The following CAMK1D variants were observed in gnomAD, a reference collection of about 807,000 sequenced individuals.
CAMK1D encodes the protein calcium/calmodulin dependent protein kinase ID, also known as calcium/calmodulin-dependent protein kinase type 1D.
A neutral mutation model predicts 47.7 loss-of-function variants in CAMK1D; 9 were observed. The ratio of observed to expected loss-of-function variants is 0.19; its 90% CI spans 0.11 to 0.33. The LOEUF is 0.33. Ranked by LOEUF, CAMK1D falls within the 10% of genes least tolerant of loss-of-function variation. The pLI, the probability that CAMK1D is intolerant of heterozygous loss-of-function variation, is 1.00. For missense variants in CAMK1D, 291 were observed against 488.7 expected, an observed-to-expected ratio of 0.60 and a Z score of 3.81; for synonymous variants, 184 against 184.9, an observed-to-expected ratio of 0.99 and a Z score of 0.04.
intron 1 of CAMK1D, among the ~76,000 whole-genome samples, chr10:12,360,446 G>A (rs1837624606): frequency 6.6e-6 from 1 of 152,140 alleles, no homozygotes; most frequent in South Asian, 2.1e-4. Flanking sequence ...GTGACCAGCA[G>A]GCCAGCGTCC....
intron 4 of CAMK1D, among the ~76,000 whole-genome samples, chr10:12,761,791 CAGGAGAATCGTTTG>C (rs1465141783): frequency 6.6e-6 from 1 of 152,200 alleles, no homozygotes; most frequent in Non-Finnish European, 1.5e-5. Context: ...GAAGCCGAGG[CAGGAGAATCGTTTG>C]AACCCAGGAG....
chr10:12,538,360 G>T (rs1471670664), intron 1 of CAMK1D, among the ~76,000 whole-genome samples: 1 of 152,174 alleles, frequency 6.6e-6, no homozygotes, highest in Non-Finnish European at 1.5e-5. Flanking sequence ...ATTTGTTCCT[G>T]CAGGTGAAGG....
At chr10:12,589,137 A>C (rs909067483) in intron 2 of CAMK1D, among the ~76,000 whole-genome samples, 34 of 152,170 alleles carry the variant, frequency 2.2e-4, no homozygotes, top group African/African-American at 6.7e-4. Flanking sequence ...AATTCATCCA[A>C]GTAACTGGGA....
intron 6 of CAMK1D, among the ~76,000 whole-genome samples, chr10:12,791,578 C>G (rs1352787369): frequency 6.6e-6 from 1 of 152,208 alleles, no homozygotes; most frequent in Non-Finnish European, 1.5e-5. Context: ...CACACAGTAT[C>G]CATCCTTTGA....
intron 3 of CAMK1D, among the ~76,000 whole-genome samples, chr10:12,669,808 T>C (rs2132563539): frequency 6.6e-6 from 1 of 152,350 alleles, no homozygotes; most frequent in African/African-American, 2.4e-5. Context: ...GTGTCTGGCT[T>C]ATTTCACTCA....
intron 1 of CAMK1D, among the ~76,000 whole-genome samples, chr10:12,449,710 A>G (rs1209022158): frequency 6.6e-6 from 1 of 152,238 alleles, no homozygotes. Flanking sequence ...AAGCTTAAAA[A>G]AAGACACATG....
intron 2 of CAMK1D, among the ~76,000 whole-genome samples, chr10:12,650,055 G>T (rs1283241450): frequency 2.6e-5 from 4 of 152,168 alleles, no homozygotes; most frequent in African/African-American, 7.2e-5. Flanking sequence ...TTACTTTTTA[G>T]TTCCTTTAGG....
chr10:12,717,117 A>G (rs1294052134), intron 3 of CAMK1D, among the ~76,000 whole-genome samples: 1 of 152,246 alleles, frequency 6.6e-6, no homozygotes, highest in Non-Finnish European at 1.5e-5. Context: ...TTCAGCAGAC[A>G]TAATATCTTT....
At chr10:12,411,997 A>G (rs1216847860) in intron 1 of CAMK1D, among the ~76,000 whole-genome samples, 1 of 152,224 alleles carries the variant, frequency 6.6e-6, no homozygotes, top group African/African-American at 2.4e-5. Context: ...TGATGTCTTT[A>G]CACCAGTCTT....
intron 1 of CAMK1D, among the ~76,000 whole-genome samples, chr10:12,434,184 C>T (rs151203660): frequency 3.6e-4 from 55 of 152,250 alleles, no homozygotes; most frequent in African/African-American, 1.1e-3. Context: ...GTAACTAGTC[C>T]TAAGATTTTT....
chr10:12,503,275 C>T (rs1250887031), intron 1 of CAMK1D, among the ~76,000 whole-genome samples: 1 of 152,132 alleles, frequency 6.6e-6, no homozygotes, highest in Non-Finnish European at 1.5e-5. Flanking sequence ...TTGGGAGGAG[C>T]ATTTGCTCCT....
Position 12,753,610 on chromosome 10 carries a change from C to T in CAMK1D, c.300-7338C>T, listed in dbSNP as rs113037356. Among the ~76,000 whole-genome samples, 89 of 152,316 alleles carry T rather than the reference C, an allele frequency of 5.8e-4. 2 individuals carry two copies. Among genetic ancestry groups the T allele is most frequent in the African/African-American group, 1.9e-3 (78 of 41,570 alleles). ...GAACGGGCTGCCTCACCCTTCTGCC[C>T]GGAATGCTTTTCCCCTGACCACACG... On this transcript the variant is annotated intron_variant, in intron 3 of 10. Coordinates refer to ENST00000619168, the MANE Select transcript of CAMK1D (RefSeq NM_153498.4).
chr10:12,766,280 G>GC (rs1440930488), intron 4 of CAMK1D, among the ~76,000 whole-genome samples: 1 of 138,222 alleles, frequency 7.2e-6, no homozygotes, highest in Non-Finnish European at 1.6e-5. Flanking sequence ...CCCAGCCCTG[G>GC]CCCCGTGCCC....
chr10:12,580,604 A>G (rs577836558), intron 2 of CAMK1D, among the ~76,000 whole-genome samples: 1 of 152,298 alleles, frequency 6.6e-6, no homozygotes, highest in East Asian at 1.9e-4. Context: ...TGTAAATCAT[A>G]AAAGATTGTA....
chr10:12,818,134 CCT>C lies in CAMK1D; in HGVS notation c.833+1807_833+1808del, dbSNP rs1832875325. 3.9e-5 allele frequency among the ~76,000 whole-genome samples: 6 copies of C among 152,268 alleles called. No homozygotes were observed. The South Asian group carries it at 1.0e-3, about 26-fold the overall frequency. On this transcript the variant is annotated intron_variant, in intron 8 of 10. Coordinates refer to ENST00000619168, the MANE Select transcript of CAMK1D (RefSeq NM_153498.4). ...AAAAATTACTCCAGAAAACCATCCC[CCT>C]GTGTGCCCCGCCATCCTCTGTAGCA...
rs1206296990 is a variant in CAMK1D at position 12,554,541 on chromosome 10, T to G, written c.224+1185T>G. Among the ~76,000 whole-genome samples the G allele has an allele frequency of 1.2e-4, 17 of 143,752 alleles. 2 individuals are homozygous for G. Among genetic ancestry groups the G allele is most frequent in the African/African-American group, 4.2e-4 (17 of 40,404 alleles). The allele number at this position is 143,752 out of a possible 152,430, so 94.3% of individuals were successfully genotyped here. ...ATAATGGCACACATAGAACCATTCATTTTTTCTTTTTTTCTCCAGGCAGGA... is the reference window on the plus strand; with the variant it reads ...ATAATGGCACACATAGAACCATTCAGTTTTTCTTTTTTTCTCCAGGCAGGA... On this transcript the variant is annotated intron_variant, in intron 2 of 10. Coordinates refer to ENST00000619168, the MANE Select transcript of CAMK1D (RefSeq NM_153498.4).
At chr10:12,618,559 C>G (rs1838894296) in intron 2 of CAMK1D, among the ~76,000 whole-genome samples, 1 of 152,080 alleles carries the variant, frequency 6.6e-6, no homozygotes, top group Non-Finnish European at 1.5e-5. Context: ...TTTTGGGAGC[C>G]TCATATTCAG....
intron 3 of CAMK1D, among the ~76,000 whole-genome samples, chr10:12,683,726 G>A (rs964342369): frequency 1.4e-5 from 2 of 145,330 alleles, no homozygotes; most frequent in South Asian, 4.7e-4. Flanking sequence ...TGAAGTAAAT[G>A]AATTTAGGAA....
At chr10:12,534,995 G>C (rs1394101774) in intron 1 of CAMK1D, among the ~76,000 whole-genome samples, 2 of 152,220 alleles carry the variant, frequency 1.3e-5, no homozygotes, top group Non-Finnish European at 2.9e-5. Context: ...CTCTGTGCCT[G>C]GGAAGAGAAG....
Sources: allele counts gnomAD v4.1 joint callset (sites outside exome capture counted in the v4.1 genomes callset), GRCh38; gene constraint gnomAD v4.1.1; transcripts MANE v1.5; gene names NCBI Gene and HGNC (gene_info 2026-07-23, HGNC 2026-07-21).